PLXDC2: variants seen among roughly 807,000 people sequenced by gnomAD.
The protein encoded by PLXDC2 is plexin domain-containing protein 2.
PLXDC2 carries 40 observed loss-of-function variants against 68.9 expected under a neutral mutation model. The ratio of observed to expected loss-of-function variants is 0.58; its 90% confidence interval spans 0.45 to 0.76. The LOEUF (loss-of-function observed/expected upper bound fraction) is 0.76, where lower values mean the gene tolerates loss of function less well. PLXDC2 is among the 30% of genes least tolerant of loss of function. The probability of loss-of-function intolerance (pLI) is 0.00; values close to 1 mark genes in which losing one functional copy is unlikely to be tolerated. For missense variants in PLXDC2, 644 were observed against 661.9 expected, an observed-to-expected ratio of 0.97 and a Z score of 0.30; for synonymous variants, 243 against 234.2, an observed-to-expected ratio of 1.04 and a Z score of -0.34.
At chr10:20,015,380 G>A (rs1041578687) in intron 2 of PLXDC2, among the ~76,000 whole-genome samples, 1 of 152,128 alleles carries the variant, frequency 6.6e-6, no homozygotes, top group African/African-American at 2.4e-5. Context: ...GTGTGAGTTT[G>A]TGTATGTTTG....
intron 4 of PLXDC2, among the ~76,000 whole-genome samples, chr10:20,134,675 C>T (rs115299602): frequency 2.0e-5 from 3 of 152,276 alleles, no homozygotes; most frequent in African/African-American, 4.8e-5. Flanking sequence ...CAGGCGCTTA[C>T]GTGAAGCCTA....
chr10:20,278,806 A>G (rs1423890448), intron 13 of PLXDC2, among the ~76,000 whole-genome samples: 4 of 152,172 alleles, frequency 2.6e-5, no homozygotes, highest in Admixed American at 6.5e-5. Context: ...ACTTCCTTCA[A>G]TATTTATCAT....
chr10:19,958,564 T>C (rs1285893000), intron 1 of PLXDC2, among the ~76,000 whole-genome samples: 1 of 152,124 alleles, frequency 6.6e-6, no homozygotes, highest in Non-Finnish European at 1.5e-5. Flanking sequence ...TTGTTCTACA[T>C]TTAATTGGAA....
chr10:19,966,857 G>A (rs1834271990), intron 1 of PLXDC2, among the ~76,000 whole-genome samples: 1 of 152,034 alleles, frequency 6.6e-6, no homozygotes. Flanking sequence ...GGCCTGCAAT[G>A]CAGAGGCCAG....
At chr10:20,199,219 A>T (rs1834885053) in intron 9 of PLXDC2, among the ~76,000 whole-genome samples, 1 of 151,988 alleles carries the variant, frequency 6.6e-6, no homozygotes, top group Non-Finnish European at 1.5e-5. Context: ...TATTTGATAA[A>T]ATTTAACCAT....
chr10:20,229,284 G>C (rs1835328219), intron 12 of PLXDC2, among the ~76,000 whole-genome samples: 1 of 152,032 alleles, frequency 6.6e-6, no homozygotes, highest in South Asian at 2.1e-4. Context: ...GTGAGAGTGA[G>C]TGGGAAGAGG....
intron 1 of PLXDC2, among the ~76,000 whole-genome samples, chr10:19,966,266 A>C (rs1196285544): frequency 6.8e-6 from 1 of 147,976 alleles, no homozygotes; most frequent in African/African-American, 2.5e-5. Flanking sequence ...AGTATGTGTA[A>C]GTACACATAT....
At chr10:19,845,999 T>C (rs1040617919) in intron 1 of PLXDC2, among the ~76,000 whole-genome samples, 1 of 152,122 alleles carries the variant, frequency 6.6e-6, no homozygotes, top group Admixed American at 6.5e-5. Flanking sequence ...ACCTCCTACC[T>C]CAGTAGGTCT....
chr10:20,171,898 C>A (rs910512036), intron 7 of PLXDC2, among the ~76,000 whole-genome samples: 2 of 151,954 alleles, frequency 1.3e-5, no homozygotes, highest in Non-Finnish European at 2.9e-5. Flanking sequence ...TCACTTGAGC[C>A]CGCCAGTTCC....
At chr10:19,989,166 A>G (rs1834702957) in intron 1 of PLXDC2, among the ~76,000 whole-genome samples, 1 of 152,166 alleles carries the variant, frequency 6.6e-6, no homozygotes, top group African/African-American at 2.4e-5. Context: ...AGTAAGAAGA[A>G]AATACCTGGG....
chr10:20,031,894 C>T (rs61841771), intron 2 of PLXDC2, among the ~76,000 whole-genome samples: 10,254 of 151,940 alleles, frequency 0.067, 516 homozygotes, highest in Middle Eastern at 0.092. Context: ...GGCATAATCT[C>T]GGCCCACTGC....
At chr10:20,192,006 A>G (rs1834773377) in intron 9 of PLXDC2, among the ~76,000 whole-genome samples, 1 of 152,004 alleles carries the variant, frequency 6.6e-6, no homozygotes, top group South Asian at 2.1e-4. Flanking sequence ...TAATTATTTG[A>G]TCTAATTCAA....
intron 13 of PLXDC2, among the ~76,000 whole-genome samples, chr10:20,258,372 A>C (rs1835769603): frequency 6.6e-6 from 1 of 152,038 alleles, no homozygotes; most frequent in Non-Finnish European, 1.5e-5. Context: ...TTGGGTATAT[A>C]GCATGTAAGC....
At chr10:20,116,508 A>G (rs536054951) in intron 4 of PLXDC2, among the ~76,000 whole-genome samples, 3 of 152,148 alleles carry the variant, frequency 2.0e-5, no homozygotes, top group Non-Finnish European at 4.4e-5. Flanking sequence ...TTTTGAGAGC[A>G]CTTCTTAATG....
chr10:20,007,104 T>C (rs1208557325), intron 2 of PLXDC2, among the ~76,000 whole-genome samples: 1 of 152,206 alleles, frequency 6.6e-6, no homozygotes, highest in Non-Finnish European at 1.5e-5. Context: ...AGGATTGGAT[T>C]CCATTCATGA....
chr10:20,191,868 G>A lies in PLXDC2; in HGVS notation c.1061+14459G>A, dbSNP rs148220886. ...AGGGGCTTTGTAAGAAAGGACGGGA[G>A]GGCTGTTTTAAGGGTAAGCCTGCCT... On this transcript the variant is annotated intron_variant, in intron 9 of 13. Coordinates refer to ENST00000377252, the MANE Select transcript of PLXDC2 (RefSeq NM_032812.9). 4.3e-3 allele frequency among the ~76,000 whole-genome samples: 659 copies of A among 152,026 alleles called. 1 individual carries two copies. Among genetic ancestry groups the A allele is most frequent in the African/African-American group, 0.015 (621 of 41,512 alleles).
At chr10:19,842,928 A>G (rs1836936144) in intron 1 of PLXDC2, among the ~76,000 whole-genome samples, 1 of 152,208 alleles carries the variant, frequency 6.6e-6, no homozygotes, top group Admixed American at 6.5e-5. Context: ...TAACTAAAAA[A>G]AGCAGTGCAC....
chr10:20,033,147 C>T (rs778687219), intron 2 of PLXDC2, among the ~76,000 whole-genome samples: 63 of 151,104 alleles, frequency 4.2e-4, no homozygotes, highest in South Asian at 2.1e-4. Context: ...CAAACCTGCA[C>T]GTTGTGCACA....
intron 1 of PLXDC2, among the ~76,000 whole-genome samples, chr10:19,978,998 T>C (rs1834503879): frequency 6.6e-6 from 1 of 152,228 alleles, no homozygotes; most frequent in African/African-American, 2.4e-5. Context: ...ATATATAAAG[T>C]GTGTATGTTG....
Sources: gnomAD v4.1 joint callset for allele counts (sites outside exome capture counted in the v4.1 genomes callset) on GRCh38, gnomAD v4.1.1 for gene constraint, MANE v1.5 for transcripts, NCBI Gene and HGNC (gene_info 2026-07-23, HGNC 2026-07-21) for gene names.